The following CHST9 variants were observed in gnomAD, a reference collection of about 807,000 sequenced individuals.
CHST9 encodes the protein GalNAc-4-sulfotransferase 2.
In CHST9, 41 loss-of-function variants were observed where a neutral mutation model predicts 44.4. The observed-to-expected ratio is 0.92, with a 90% CI of 0.72 to 1.20. The LOEUF (loss-of-function observed/expected upper bound fraction) is 1.20. CHST9 is among the 50% of genes most tolerant of loss of function. The pLI, the probability that CHST9 is intolerant of heterozygous loss-of-function variation, is 0.00. For missense variants in CHST9, 504 were observed against 516.5 expected, an observed-to-expected ratio of 0.98 and a Z score of 0.23; for synonymous variants, 171 against 178.4, an observed-to-expected ratio of 0.96 and a Z score of 0.33.
intron 2 of CHST9, among the ~76,000 whole-genome samples, chr18:27,091,658 G>A (rs2058070206): frequency 1.3e-5 from 2 of 152,108 alleles, no homozygotes; most frequent in Admixed American, 6.5e-5. Flanking sequence ...AGCATGAAGG[G>A]CTGTTGAATT....
intron 3 of CHST9, among the ~76,000 whole-genome samples, chr18:27,028,627 A>G (rs2057308149): frequency 6.6e-6 from 1 of 151,732 alleles, no homozygotes; most frequent in African/African-American, 2.4e-5. Flanking sequence ...GGCTCACGGC[A>G]AGCTCTGCCT....
chr18:26,947,414 T>A (rs1297764748), intron 4 of CHST9, among the ~76,000 whole-genome samples: 1 of 152,148 alleles, frequency 6.6e-6, no homozygotes, highest in Non-Finnish European at 1.5e-5. Flanking sequence ...TGGGATCTAA[T>A]TAAACCAAAG....
chr18:27,079,581 A>G (rs2143675913), intron 2 of CHST9, among the ~76,000 whole-genome samples: 1 of 152,368 alleles, frequency 6.6e-6, no homozygotes, highest in African/African-American at 2.4e-5. Context: ...GAAAAAGTTT[A>G]AAAATCATGT....
At chr18:26,945,203 C>A (rs889318733) in intron 4 of CHST9, among the ~76,000 whole-genome samples, 4 of 152,034 alleles carry the variant, frequency 2.6e-5, no homozygotes, top group African/African-American at 9.7e-5. Context: ...TTTAAAAAAA[C>A]AAACTTTAAT....
intron 3 of CHST9, among the ~76,000 whole-genome samples, chr18:27,045,078 T>G (rs2143546821): frequency 6.6e-6 from 1 of 151,452 alleles, no homozygotes; most frequent in African/African-American, 2.4e-5. Flanking sequence ...TTCCTCTCTG[T>G]GGGTAGCTTT....
chr18:27,030,023 A>C (rs1408239839), intron 3 of CHST9, among the ~76,000 whole-genome samples: 1 of 152,194 alleles, frequency 6.6e-6, no homozygotes, highest in East Asian at 1.9e-4. Context: ...ATAGAATATT[A>C]TGTTTTCCCA....
chr18:27,027,563 A>G (rs781547494), intron 3 of CHST9, among the ~76,000 whole-genome samples: 19 of 152,220 alleles, frequency 1.2e-4, no homozygotes, highest in Admixed American at 2.6e-4. Context: ...CGCCATTATT[A>G]AATGAATAAT....
At chr18:26,924,139 G>A (rs2055717919) in intron 5 of CHST9, among the ~76,000 whole-genome samples, 1 of 152,142 alleles carries the variant, frequency 6.6e-6, no homozygotes, top group East Asian at 1.9e-4. Flanking sequence ...TGTGCCTGGG[G>A]GCAGAGGGAT....
chr18:27,007,277 T>C (rs1041968733), intron 4 of CHST9, among the ~76,000 whole-genome samples: 1 of 152,118 alleles, frequency 6.6e-6, no homozygotes, highest in Non-Finnish European at 1.5e-5. Flanking sequence ...CAGCACAATA[T>C]ATGTTTTGGA....
Position 26,910,770 on chromosome 18 carries a change from T to C in CHST9, c.*5489A>G, listed in dbSNP as rs1321679124. 6.6e-6 allele frequency: 1 copy of C among 152,226 alleles called. No individual in the cohort carries two copies. The highest frequency in any genetic ancestry group is 1.5e-5 in the Non-Finnish European group (1 of 68,034). 9.4% of individuals were successfully genotyped at this position (152,226 alleles called of 1,614,324 possible). ...CTTTGATACTCAGTTTTCTCATTCATGAAATGATAGGTGGAAAAATACTCG... is the reference window on the plus strand; with the variant it reads ...CTTTGATACTCAGTTTTCTCATTCACGAAATGATAGGTGGAAAAATACTCG... On this transcript the variant is annotated 3_prime_UTR_variant, in exon 6 of 6. Transcript: ENST00000618847.
At chr18:27,065,584 C>CTTTT (rs56023514) in intron 2 of CHST9, among the ~76,000 whole-genome samples, 1 of 128,710 alleles carries the variant, frequency 7.8e-6, no homozygotes. Flanking sequence ...TCGTTCACTG[C>CTTTT]TTTTTTTTTT....
intron 2 of CHST9, among the ~76,000 whole-genome samples, chr18:27,066,549 C>T (rs533616501): frequency 1.1e-4 from 17 of 152,242 alleles, no homozygotes; most frequent in African/African-American, 3.1e-4. Context: ...GCCTTAGCCT[C>T]CCTCCCAAAA....
At chr18:27,038,374 C>T (rs937628985) in intron 3 of CHST9, among the ~76,000 whole-genome samples, 1 of 151,924 alleles carries the variant, frequency 6.6e-6, no homozygotes, top group Non-Finnish European at 1.5e-5. Context: ...GGTGAAACCC[C>T]GTCTGTACTA....
chr18:27,029,546 T>C (rs780454949), intron 3 of CHST9, among the ~76,000 whole-genome samples: 9 of 152,140 alleles, frequency 5.9e-5, no homozygotes, highest in Non-Finnish European at 1.2e-4. Flanking sequence ...CTGTGGCAGA[T>C]TGGTTCTGGG....
chr18:27,107,384 G>C (rs1020841456), intron 2 of CHST9, among the ~76,000 whole-genome samples: 2 of 152,144 alleles, frequency 1.3e-5, no homozygotes, highest in Non-Finnish European at 2.9e-5. Flanking sequence ...ATTGTATAGT[G>C]TGACTGCTTG....
chr18:27,072,549 G>A (rs1272918210), intron 2 of CHST9, among the ~76,000 whole-genome samples: 1 of 152,120 alleles, frequency 6.6e-6, no homozygotes, highest in Non-Finnish European at 1.5e-5. Context: ...GTGTCCACAT[G>A]TGTGACCTGT....
chr18:27,082,972 G>T (rs1328215435), intron 2 of CHST9, among the ~76,000 whole-genome samples: 1 of 152,070 alleles, frequency 6.6e-6, no homozygotes, highest in African/African-American at 2.4e-5. Flanking sequence ...AGGTGTGTTG[G>T]ATCTTATGTT....
At chr18:26,919,677 T>G (rs745426767) in intron 5 of CHST9, among the ~76,000 whole-genome samples, 2 of 152,110 alleles carry the variant, frequency 1.3e-5, no homozygotes, top group African/African-American at 2.4e-5. Context: ...TCACCAGGTC[T>G]CTTCTCTGCT....
intron 1 of CHST9, among the ~76,000 whole-genome samples, chr18:27,183,857 C>T (rs1477481320): frequency 1.3e-5 from 2 of 151,994 alleles, no homozygotes; most frequent in African/African-American, 4.8e-5. Flanking sequence ...GGTTGGCAGG[C>T]ATATGGTGTT....
Sources: allele counts gnomAD v4.1 joint callset (sites outside exome capture counted in the v4.1 genomes callset), GRCh38; gene constraint gnomAD v4.1.1; transcripts MANE v1.5; gene names NCBI Gene and HGNC (gene_info 2026-07-23, HGNC 2026-07-21).